The following KCNAB2 variants were observed in gnomAD, a reference collection of about 807,000 sequenced individuals.
KCNAB2 encodes the protein voltage-gated potassium channel subunit beta-2.
In KCNAB2, 29 loss-of-function variants were observed where a neutral mutation model predicts 63.6. That is an observed-to-expected ratio of 0.46 (90% CI 0.34 to 0.62). The LOEUF is 0.62. KCNAB2 is among the 20% of genes least tolerant of loss of function. KCNAB2 has a pLI of 0.01. For missense variants in KCNAB2, 359 were observed against 563.9 expected (o/e 0.64, Z 3.68); for synonymous variants, 222 against 224.2 (o/e 0.99, Z 0.09).
intron 4 of KCNAB2, among the ~76,000 whole-genome samples, chr1:6,077,937 G>A (rs913920627): frequency 2.6e-5 from 4 of 152,230 alleles, no homozygotes; most frequent in Non-Finnish European, 5.9e-5. Context: ...ACCAATGCGC[G>A]GCTGAAAACA....
At chr1:6,058,863 C>T (rs562035631) in intron 2 of KCNAB2, among the ~76,000 whole-genome samples, 2 of 152,208 alleles carry the variant, frequency 1.3e-5, no homozygotes, top group African/African-American at 4.8e-5. Context: ...CCCAGGACCA[C>T]GGCTGGCAGC....
chr1:6,019,582 G>A (rs1658703310), intron 1 of KCNAB2, among the ~76,000 whole-genome samples: 1 of 152,184 alleles, frequency 6.6e-6, no homozygotes, highest in African/African-American at 2.4e-5. Flanking sequence ...TCTGGAGTTG[G>A]GCACTGGAGC....
intron 2 of KCNAB2, among the ~76,000 whole-genome samples, chr1:6,052,157 C>T (rs974050639): frequency 1.3e-5 from 2 of 152,066 alleles, no homozygotes; most frequent in African/African-American, 4.8e-5. Flanking sequence ...CACGGTGGCT[C>T]ATGCCTGTAA....
At chr1:6,081,435 C>T (rs879462305) in intron 4 of KCNAB2, among the ~76,000 whole-genome samples, 3 of 152,240 alleles carry the variant, frequency 2.0e-5, no homozygotes, top group Non-Finnish European at 4.4e-5. Flanking sequence ...GACATAGACT[C>T]ATCCCAGCAA....
chr1:6,058,736 A>T (rs1163587361), intron 2 of KCNAB2, among the ~76,000 whole-genome samples: 1 of 152,238 alleles, frequency 6.6e-6, no homozygotes, highest in Non-Finnish European at 1.5e-5. Flanking sequence ...AGGCATCAGG[A>T]AGGAACAGGA....
At chr1:6,016,952 A>G (rs1031728242) in intron 1 of KCNAB2, among the ~76,000 whole-genome samples, 4 of 152,208 alleles carry the variant, frequency 2.6e-5, no homozygotes, top group African/African-American at 9.7e-5. Context: ...TGGTCTCACA[A>G]GAGGAAAACC....
chr1:6,006,649 G>C (rs5021954), intron 1 of KCNAB2, among the ~76,000 whole-genome samples: 85 of 2,786 alleles, frequency 0.031, 10 homozygotes, highest in African/African-American at 0.035. Context: ...CTCAGCTCAG[G>C]TCCCACATCC....
chr1:6,045,562 G>T (rs768017988), upstream of KCNAB2, among the ~76,000 whole-genome samples: 3 of 152,128 alleles, frequency 2.0e-5, no homozygotes, highest in African/African-American at 4.8e-5. This position sits in a 1 kb window ranked among gnomAD's most constrained non-coding sequence, Gnocchi z 4.8. Flanking sequence ...ACCCATCTCG[G>T]GTGTATCCCC....
rs1026933185 is a variant in KCNAB2 at position 6,024,470 on chromosome 1, A to T, written c.-52-16047A>T. Among the ~76,000 whole-genome samples, 1 of 152,194 alleles carries T rather than the reference A, an allele frequency of 6.6e-6. No individual in the cohort carries two copies. The highest frequency in any genetic ancestry group is 2.1e-4 in the South Asian group (1 of 4,834). On this transcript the variant is annotated intron_variant, in intron 1 of 16. Coordinates refer to the KCNAB2 transcript ENST00000341524. This position sits in a 1 kb window ranked among gnomAD's most constrained non-coding sequence, Gnocchi z 5.4. The stretch of plus-strand genomic sequence containing the variant: ...CTTCCTGGTCCAAAGAAACTTTTTA[A>T]AAAAAGAGTTGGCAAATATCTGAAA...
At chr1:6,053,300 C>T (rs1343154912) in intron 2 of KCNAB2, among the ~76,000 whole-genome samples, 1 of 152,130 alleles carries the variant, frequency 6.6e-6, no homozygotes, top group African/African-American at 2.4e-5. Context: ...CTGCTTGGCA[C>T]CAGGCGCTGA....
In KCNAB2 at chr1:6,087,644, G is replaced by C; in HGVS notation, c.470+133G>C. On this transcript the variant is annotated intron_variant, in intron 7 of 15. Coordinates refer to ENST00000378083, the MANE Select transcript of KCNAB2 (RefSeq NM_001199862.2). This position sits in a 1 kb window ranked among gnomAD's most constrained non-coding sequence, Gnocchi z 6.4. The stretch of plus-strand genomic sequence containing the variant: ...CCTCCTTGAGAAGGGAGAGTGGTCG[G>C]GGTCTGTCCTGGACAGGCCCCGGCC... The C allele has an allele frequency of 1.1e-6, 1 of 942,922 alleles. No individual in the cohort carries two copies. The highest frequency in any genetic ancestry group is 1.4e-5 in the South Asian group (1 of 72,976). 58.4% of individuals were successfully genotyped at this position (942,922 alleles called of 1,614,324 possible). A position where few individuals can be genotyped will look rare whatever the true frequency, so the allele number is the denominator to read the frequency against.
chr1:6,082,302 T>C (rs980804087), intron 5 of KCNAB2, 28 bp downstream of exon 5: 1 of 1,564,186 alleles, frequency 6.4e-7, no homozygotes. Flanking sequence ...CGGGAAAAAG[T>C]GGTTCAGAAT....
At chr1:5,999,410 G>A (rs1046127716) in intron 1 of KCNAB2, among the ~76,000 whole-genome samples, 3 of 152,162 alleles carry the variant, frequency 2.0e-5, no homozygotes, top group Admixed American at 6.5e-5. Context: ...AGCCCTAGCC[G>A]TTTCAGTCTG....
chr1:6,093,754 C>T lies in KCNAB2; in HGVS notation c.647-646C>T, dbSNP rs1048756875. On this transcript the variant is annotated intron_variant, in intron 10 of 15. Coordinates refer to ENST00000378083, the MANE Select transcript of KCNAB2 (RefSeq NM_001199862.2). ...GCCTGGTGCTGGGCTGGTTTGAGAA[C>T]CTGGGCCATGGTCTTACAAGGCTTT... Among the ~76,000 whole-genome samples, 5 of 152,190 alleles carry T rather than the reference C, an allele frequency of 3.3e-5. No individual in the cohort carries two copies. The South Asian group carries it at 1.0e-3, about 31-fold the overall frequency.
At chr1:6,055,898 G>T (rs553642761) in intron 2 of KCNAB2, among the ~76,000 whole-genome samples, 1 of 152,282 alleles carries the variant, frequency 6.6e-6, no homozygotes, top group Non-Finnish European at 1.5e-5. Context: ...CATTAAACTT[G>T]GTCTTAAATA....
At chr1:6,022,270 A>G (rs1201513023) in intron 1 of KCNAB2, among the ~76,000 whole-genome samples, 1 of 151,864 alleles carries the variant, frequency 6.6e-6, no homozygotes, top group Non-Finnish European at 1.5e-5. Context: ...TGTATAGTTC[A>G]GTGGTATTGA....
chr1:6,099,939 G>C lies in KCNAB2; in HGVS notation c.*1365G>C, dbSNP rs1339011937. 3.2e-6 allele frequency: 5 copies of C among 1,550,332 alleles called. No homozygotes were observed. In the East Asian group the frequency reaches 9.8e-5, roughly 30 times the overall value. ...GGGTGCCACCTACAGGCCCAGGCCT[G>C]TGTCCCAAGCAGTACCCAGGCTTTG... On this transcript the variant is annotated 3_prime_UTR_variant, in exon 16 of 16. Coordinates refer to ENST00000378083, the MANE Select transcript of KCNAB2 (RefSeq NM_001199862.2).
rs962803602 is a variant in KCNAB2 at position 6,082,047 on chromosome 1, G to C, written c.301-148G>C. The C allele has an allele frequency of 9.2e-5, 60 of 652,668 alleles. No homozygotes were observed. In the Middle Eastern group the frequency reaches 9.9e-4, roughly 11 times the overall value. The allele number at this position is 652,668 out of a possible 1,614,324, so 40.4% of individuals were successfully genotyped here. The stretch of plus-strand genomic sequence containing the variant: ...CCATCCCTGTCCTGTGGCAGGAGAG[G>C]GCAAGGAGACAGCCCACAGGGGAGC... On this transcript the variant is annotated intron_variant, in intron 4 of 15. Transcript: ENST00000378083.
At chr1:6,098,270 G>T (rs1048303388) in intron 15 of KCNAB2, 36 of 1,354,690 alleles carry the variant, frequency 2.7e-5, no homozygotes, top group Non-Finnish European at 2.9e-5. Context: ...ACATTTGAGA[G>T]GGAGTGCACA....
Sources: gnomAD v4.1 joint callset for allele counts (sites outside exome capture counted in the v4.1 genomes callset) on GRCh38, gnomAD v4.1.1 for gene constraint, Gnocchi (gnomAD v3.1) non-coding constraint, MANE v1.5 for transcripts, NCBI Gene and HGNC (gene_info 2026-07-23, HGNC 2026-07-21) for gene names.